The following LUZP2 variants were observed in gnomAD, a reference collection of about 807,000 sequenced individuals.
LUZP2 encodes the protein leucine zipper protein 2.
A neutral mutation model predicts 51.6 loss-of-function variants in LUZP2; 52 were observed. The observed-to-expected ratio is 1.01, with a 90% CI of 0.81 to 1.27. The LOEUF is 1.27. Among genes scored for constraint, LUZP2 ranks in the 50% most tolerant of loss-of-function variants. The probability of loss-of-function intolerance (pLI) is 0.00; values close to 1 mark genes in which losing one functional copy is unlikely to be tolerated. For synonymous variants in LUZP2, 154 were observed against 137.3 expected (o/e 1.12, Z -0.85); for missense variants, 436 against 395.4 (o/e 1.10, Z -0.87).
chr11:25,058,898 GA>G (rs1486763129), intron 10 of LUZP2, among the ~76,000 whole-genome samples: 2 of 152,126 alleles, frequency 1.3e-5, no homozygotes, highest in South Asian at 2.1e-4. Flanking sequence ...TAATAAATGT[GA>G]AAAATCAATT....
At chr11:24,499,750 G>A (rs1202836713) in intron 1 of LUZP2, among the ~76,000 whole-genome samples, 4 of 150,654 alleles carry the variant, frequency 2.7e-5, no homozygotes, top group African/African-American at 9.9e-5. Flanking sequence ...GGAATGCAGA[G>A]CGGAGACTCT....
intron 1 of LUZP2, among the ~76,000 whole-genome samples, chr11:24,680,916 T>C (rs1856711317): frequency 6.6e-6 from 1 of 152,100 alleles, no homozygotes; most frequent in Non-Finnish European, 1.5e-5. Flanking sequence ...ACAACTGTCA[T>C]GAAAAATAAA....
At chr11:24,718,998 C>A (rs767505199) in intron 1 of LUZP2, among the ~76,000 whole-genome samples, 5 of 151,982 alleles carry the variant, frequency 3.3e-5, no homozygotes, top group Non-Finnish European at 5.9e-5. Context: ...ATTAACTGAG[C>A]ACAGGGTATA....
At chr11:24,567,014 A>ATATT (rs1852268859) in intron 1 of LUZP2, among the ~76,000 whole-genome samples, 1 of 134,598 alleles carries the variant, frequency 7.4e-6, no homozygotes, top group African/African-American at 2.7e-5. Context: ...ATATATATAT[A>ATATT]TTTTTTTTAG....
At chr11:25,076,359 G>A (rs75986871) in intron 10 of LUZP2, among the ~76,000 whole-genome samples, 3 of 152,090 alleles carry the variant, frequency 2.0e-5, no homozygotes, top group Non-Finnish European at 4.4e-5. Context: ...GTTCACAAAT[G>A]ATTAAACTCT....
At chr11:24,862,195 A>G (rs1851762185) in intron 5 of LUZP2, among the ~76,000 whole-genome samples, 1 of 152,200 alleles carries the variant, frequency 6.6e-6, no homozygotes, top group African/African-American at 2.4e-5. Flanking sequence ...CTAACAGCAG[A>G]CCTTTCAGCA....
chr11:24,935,986 G>A (rs1034734367), intron 7 of LUZP2, among the ~76,000 whole-genome samples: 5 of 152,028 alleles, frequency 3.3e-5, no homozygotes, highest in Non-Finnish European at 7.4e-5. Flanking sequence ...TGTCGTGAAT[G>A]GAGACATTTC....
chr11:24,756,820 C>G (rs933913836), intron 4 of LUZP2, among the ~76,000 whole-genome samples: 2 of 152,104 alleles, frequency 1.3e-5, no homozygotes, highest in African/African-American at 2.4e-5. Context: ...GGCTCAGTCA[C>G]TAAGATTGCT....
At chr11:24,834,364 T>G (rs1284706257) in intron 5 of LUZP2, among the ~76,000 whole-genome samples, 1 of 152,166 alleles carries the variant, frequency 6.6e-6, no homozygotes, top group African/African-American at 2.4e-5. Flanking sequence ...TCTGTTCCTG[T>G]ATTAGTCTGA....
chr11:24,852,692 A>G (rs1363845222), intron 5 of LUZP2, among the ~76,000 whole-genome samples: 1 of 151,528 alleles, frequency 6.6e-6, no homozygotes, highest in Admixed American at 6.6e-5. Context: ...TCTGTCTGTT[A>G]TTGTGTGGGA....
intron 5 of LUZP2, among the ~76,000 whole-genome samples, chr11:24,798,436 A>G (rs1176200878): frequency 2.0e-5 from 3 of 152,170 alleles, no homozygotes; most frequent in Admixed American, 1.3e-4. Flanking sequence ...GCCTCAGGCC[A>G]TCCTTCCACC....
chr11:24,878,484 T>C (rs1324717339), intron 5 of LUZP2, among the ~76,000 whole-genome samples: 1 of 152,138 alleles, frequency 6.6e-6, no homozygotes, highest in Non-Finnish European at 1.5e-5. Flanking sequence ...TTTGTTTTCC[T>C]GGACCTTTGG....
chr11:25,076,867 A>G (rs1286484216), intron 10 of LUZP2, among the ~76,000 whole-genome samples: 1 of 151,320 alleles, frequency 6.6e-6, no homozygotes, highest in African/African-American at 2.4e-5. Flanking sequence ...CAGAAATATT[A>G]TCTTTTAAAA....
At chr11:25,044,724 A>T (rs896583485) in intron 9 of LUZP2, among the ~76,000 whole-genome samples, 7 of 151,548 alleles carry the variant, frequency 4.6e-5, no homozygotes, top group African/African-American at 1.2e-4. Flanking sequence ...ATACCAAAGG[A>T]TTATAAAACA....
rs934492107 is a variant in LUZP2 at position 24,741,929 on chromosome 11, TTA to T, written c.333+3634_333+3635del. Among the ~76,000 whole-genome samples the T allele has an allele frequency of 1.6e-4, 3 of 19,040 alleles. No homozygotes were observed. In the Admixed American group the frequency reaches 1.9e-3, roughly 12 times the overall value. The allele number at this position is 19,040 out of a possible 152,430, so 12.5% of individuals were successfully genotyped here. A position where few individuals can be genotyped will look rare whatever the true frequency, so the allele number is the denominator to read the frequency against. ...TCTATATAATATATACATTTATATA[TTA>T]TATATAAATATATACATTTATATAT... On this transcript the variant is annotated intron_variant, in intron 4 of 11. Coordinates refer to ENST00000336930, the MANE Select transcript of LUZP2 (RefSeq NM_001009909.4).
intron 5 of LUZP2, among the ~76,000 whole-genome samples, chr11:24,869,618 C>G (rs1295352065): frequency 1.3e-4 from 19 of 151,968 alleles, no homozygotes. Flanking sequence ...ATTGTTATAT[C>G]TGTCATACTG....
intron 1 of LUZP2, among the ~76,000 whole-genome samples, chr11:24,622,863 C>T (rs967538486): frequency 6.6e-5 from 10 of 152,190 alleles, no homozygotes; most frequent in Non-Finnish European, 1.3e-4. Context: ...CTGCCCATCT[C>T]TGTCCTCAAA....
At chr11:24,892,831 G>T (rs1315634801) in intron 5 of LUZP2, 1 of 152,168 alleles carries the variant, frequency 6.6e-6, no homozygotes, top group Non-Finnish European at 1.5e-5. Flanking sequence ...ACTTCAAAGA[G>T]ATGACAGGTT....
At chr11:24,820,941 G>GGCAACA (rs1850340295) in intron 5 of LUZP2, among the ~76,000 whole-genome samples, 1 of 152,008 alleles carries the variant, frequency 6.6e-6, no homozygotes, top group Non-Finnish European at 1.5e-5. Context: ...TCTGAGCTTG[G>GGCAACA]GCAACATATA....
Sources: allele counts gnomAD v4.1 joint callset (sites outside exome capture counted in the v4.1 genomes callset), GRCh38; gene constraint gnomAD v4.1.1; transcripts MANE v1.5; gene names NCBI Gene and HGNC (gene_info 2026-07-23, HGNC 2026-07-21).